CREB3L2: variants seen among roughly 807,000 people sequenced by gnomAD.
CREB3L2 encodes cyclic AMP-responsive element-binding protein 3-like protein 2.
Under a neutral mutation model 57.2 loss-of-function variants are expected in CREB3L2, and 23 were observed. The ratio of observed to expected loss-of-function variants is 0.40; its 90% CI spans 0.29 to 0.57. The LOEUF (loss-of-function observed/expected upper bound fraction) is 0.57. CREB3L2 is among the 20% of genes least tolerant of loss of function. The pLI, the probability that CREB3L2 is intolerant of heterozygous loss-of-function variation, is 0.42. For synonymous variants in CREB3L2, 268 were observed against 265.1 expected (o/e 1.01, Z -0.11); for missense variants, 628 against 634.7 (o/e 0.99, Z 0.11).
chr7:137,920,850 G>A (rs1365864102), intron 2 of CREB3L2, among the ~76,000 whole-genome samples: 1 of 152,218 alleles, frequency 6.6e-6, no homozygotes, highest in Non-Finnish European at 1.5e-5. Flanking sequence ...AACTACTGGA[G>A]GTTGGCTTGT....
At chr7:137,922,412 A>ATACACG (rs1554498024) in intron 2 of CREB3L2, among the ~76,000 whole-genome samples, 10 of 29,466 alleles carry the variant, frequency 3.4e-4, no homozygotes, top group African/African-American at 1.1e-3. Context: ...ATATATATAT[A>ATACACG]TATGTATATA....
chr7:137,886,786 C>T (rs1799429239), intron 8 of CREB3L2, among the ~76,000 whole-genome samples: 1 of 151,610 alleles, frequency 6.6e-6, no homozygotes, highest in Admixed American at 6.6e-5. Context: ...CCTTAAAAGG[C>T]AAAGTTTGAG....
chr7:137,937,985 G>T (rs1010640958), intron 1 of CREB3L2, among the ~76,000 whole-genome samples: 1 of 152,080 alleles, frequency 6.6e-6, no homozygotes, highest in Non-Finnish European at 1.5e-5. Context: ...CATTGGTAGG[G>T]TATATTCAAT....
chr7:137,970,958 C>T (rs1253237562), intron 1 of CREB3L2, among the ~76,000 whole-genome samples: 2 of 152,152 alleles, frequency 1.3e-5, no homozygotes, highest in African/African-American at 2.4e-5. Flanking sequence ...CTGGGTGCCT[C>T]AGTGTGAGAT....
At chr7:137,922,426 A>G (rs1309279975) in intron 2 of CREB3L2, among the ~76,000 whole-genome samples, 1 of 51,168 alleles carries the variant, frequency 2.0e-5, no homozygotes, top group Non-Finnish European at 3.1e-5. Flanking sequence ...GTATATATAT[A>G]TATATATATA....
chr7:137,922,406 A>ATATATG (rs1800322296), intron 2 of CREB3L2, among the ~76,000 whole-genome samples: 9 of 26,202 alleles, frequency 3.4e-4, no homozygotes, highest in Non-Finnish European at 4.6e-4. Context: ...ATATATATAT[A>ATATATG]TATATATATG....
chr7:137,884,947 T>C (rs759658172), intron 10 of CREB3L2, 48 bp downstream of exon 10: 11 of 1,611,298 alleles, frequency 6.8e-6, no homozygotes, highest in Admixed American at 1.7e-5. Context: ...AACCCAGCTC[T>C]AGGGAAATAA....
intron 1 of CREB3L2, among the ~76,000 whole-genome samples, chr7:137,999,379 TACACACACACACACACACAC>T (rs60762009): frequency 7.0e-6 from 1 of 142,322 alleles, no homozygotes; most frequent in Admixed American, 7.1e-5. Flanking sequence ...TATGTTCCCC[TACACACACACACACACACAC>T]ACACACACAC....
rs1799137170 is a variant in CREB3L2, at chr7:137,875,829, C to T, written c.*4647G>A. On this transcript the variant is annotated 3_prime_UTR_variant, in exon 12 of 12. Transcript: ENST00000330387. ...AGCACGCAACACCCTAGTAAATGCT[C>T]AAGAAATATTATTTCCCTTCCTTCT... is the stretch of plus-strand genomic sequence containing the variant. 1 of 224,362 alleles carries T rather than the reference C, an allele frequency of 4.5e-6. No individual in the cohort carries two copies. Among genetic ancestry groups the T allele is most frequent in the Admixed American group, 5.7e-5 (1 of 17,508 alleles). The allele number at this position is 224,362 out of a possible 1,614,324, so 13.9% of individuals were successfully genotyped here.
At position 137,874,989 on chromosome 7, in the gene CREB3L2, A is replaced by G. The variant is rs1483876532; in HGVS notation, c.*5487T>C. The G allele has an allele frequency of 5.5e-6, 1 of 180,884 alleles. No homozygotes were observed. Among genetic ancestry groups the G allele is most frequent in the Non-Finnish European group, 1.2e-5 (1 of 84,496 alleles). The allele number at this position is 180,884 out of a possible 1,614,324, so 11.2% of individuals were successfully genotyped here. A position where few individuals can be genotyped will look rare whatever the true frequency, so the allele number is the denominator to read the frequency against. On this transcript the variant is annotated 3_prime_UTR_variant, in exon 12 of 12. Transcript: ENST00000330387. ...AGACTGGGCAACATCTTACTATTTA[A>G]GAAAAAATATTTATTTGCAAGAAAT...
chr7:137,962,521 C>T (rs1801340989), intron 1 of CREB3L2, among the ~76,000 whole-genome samples: 1 of 151,912 alleles, frequency 6.6e-6, no homozygotes, highest in South Asian at 2.1e-4. Context: ...CAGCATACAC[C>T]CTGGGGAACC....
chr7:137,942,768 G>A (rs780008294), intron 1 of CREB3L2, among the ~76,000 whole-genome samples: 4 of 152,222 alleles, frequency 2.6e-5, no homozygotes, highest in Non-Finnish European at 4.4e-5. Context: ...CCCAAAAGAC[G>A]AGGTAGAGCA....
rs77988292 is a variant in CREB3L2 at position 137,879,429 on chromosome 7, T to C, written c.*1047A>G. 4.9e-3 allele frequency: 2,032 copies of C among 411,656 alleles called. 43 individuals are homozygous for C. The highest frequency in any genetic ancestry group is 0.037 in the African/African-American group (1,821 of 49,580). The allele number at this position is 411,656 out of a possible 1,614,324, so 25.5% of individuals were successfully genotyped here. On this transcript the variant is annotated 3_prime_UTR_variant, in exon 12 of 12. Coordinates refer to ENST00000330387, the MANE Select transcript of CREB3L2 (RefSeq NM_194071.4). Reference sequence around the variant, plus strand: ...GAACAGGGCTTCCCCTTCTCTGTCATGAAAACAGGATAGAAAAAGCTTGTG... The same window carrying C: ...GAACAGGGCTTCCCCTTCTCTGTCACGAAAACAGGATAGAAAAAGCTTGTG...
At chr7:137,983,115 C>T (rs1393061139) in intron 1 of CREB3L2, among the ~76,000 whole-genome samples, 1 of 152,200 alleles carries the variant, frequency 6.6e-6, no homozygotes, top group African/African-American at 2.4e-5. Context: ...CCCAGATACT[C>T]TCAATGCCAA....
At chr7:137,933,208 T>C (rs1158413164) in intron 1 of CREB3L2, among the ~76,000 whole-genome samples, 1 of 152,166 alleles carries the variant, frequency 6.6e-6, no homozygotes, top group Non-Finnish European at 1.5e-5. Flanking sequence ...GAGAAATAAA[T>C]AACAGAATGT....
intron 1 of CREB3L2, among the ~76,000 whole-genome samples, chr7:137,949,470 T>C (rs751704199): frequency 6.6e-6 from 1 of 152,176 alleles, no homozygotes; most frequent in Non-Finnish European, 1.5e-5. Flanking sequence ...TTGGGGAGGA[T>C]TTCCCTAGTT....
intron 2 of CREB3L2, among the ~76,000 whole-genome samples, chr7:137,925,617 C>G (rs796593626): frequency 6.6e-6 from 1 of 152,100 alleles, no homozygotes; most frequent in Admixed American, 6.5e-5. Context: ...CCCTACAGAT[C>G]GCCACCTTAA....
At chr7:137,913,326 T>A (rs1181862058) in intron 3 of CREB3L2, among the ~76,000 whole-genome samples, 1 of 151,904 alleles carries the variant, frequency 6.6e-6, no homozygotes, top group Non-Finnish European at 1.5e-5. Context: ...GGTAACATAG[T>A]GAGACAACGT....
chr7:137,970,452 T>A (rs1376152634), intron 1 of CREB3L2, among the ~76,000 whole-genome samples: 1 of 152,168 alleles, frequency 6.6e-6, no homozygotes, highest in Non-Finnish European at 1.5e-5. Flanking sequence ...GAGAATGGGG[T>A]GACATTTCTC....
Sources: gnomAD v4.1 joint callset for allele counts (sites outside exome capture counted in the v4.1 genomes callset) on GRCh38, gnomAD v4.1.1 for gene constraint, MANE v1.5 for transcripts, NCBI Gene and HGNC (gene_info 2026-07-23, HGNC 2026-07-21) for gene names.